Variants in LIMS1 observed in about 807,000 individuals in gnomAD.
LIMS1 encodes LIM zinc finger domain containing 1, also known as LIM and senescent cell antigen-like-containing domain protein 1.
Under a neutral mutation model 44.1 loss-of-function variants are expected in LIMS1, and 18 were observed. The observed-to-expected ratio is 0.41, with a 90% CI of 0.28 to 0.61. LIMS1 has a LOEUF of 0.61. Ranked by LOEUF, LIMS1 falls within the 20% of genes least tolerant of loss-of-function variation. The probability of loss-of-function intolerance (pLI) is 0.32; values close to 1 mark genes in which losing one functional copy is unlikely to be tolerated. For missense variants in LIMS1, 201 were observed against 422.0 expected (o/e 0.48, Z 4.59); for synonymous variants, 93 against 149.1 (o/e 0.62, Z 2.74).
intron 1 of LIMS1, among the ~76,000 whole-genome samples, chr2:108,601,908 A>G (rs1280733545): frequency 6.6e-6 from 1 of 152,232 alleles, no homozygotes; most frequent in East Asian, 1.9e-4. Flanking sequence ...TAGTATGGAC[A>G]TATTAACAAT....
At chr2:108,553,099 T>G (rs1684815838) in intron 1 of LIMS1, among the ~76,000 whole-genome samples, 1 of 151,826 alleles carries the variant, frequency 6.6e-6, no homozygotes, top group Non-Finnish European at 1.5e-5. Context: ...ATAAAAAGAG[T>G]CATAATTCAT....
intron 1 of LIMS1, among the ~76,000 whole-genome samples, chr2:108,572,442 G>A (rs981940154): frequency 2.0e-5 from 3 of 147,594 alleles, no homozygotes; most frequent in African/African-American, 7.5e-5. Flanking sequence ...GAGTGCAGTG[G>A]CGCAGTCTCA....
intron 1 of LIMS1, among the ~76,000 whole-genome samples, chr2:108,649,994 A>T (rs1690349317): frequency 6.6e-6 from 1 of 152,216 alleles, no homozygotes; most frequent in Non-Finnish European, 1.5e-5. Context: ...CAACAGTAAA[A>T]AAAAGAAAAA....
chr2:108,574,634 G>A (rs1685603764), intron 1 of LIMS1, among the ~76,000 whole-genome samples: 1 of 152,158 alleles, frequency 6.6e-6, no homozygotes, highest in Non-Finnish European at 1.5e-5. Flanking sequence ...TTGAGCTTGT[G>A]CACTACATAA....
At chr2:108,662,514 T>C in intron 2 of LIMS1, 2 of 1,321,984 alleles carry the variant, frequency 1.5e-6, no homozygotes, top group South Asian at 3.1e-5. Flanking sequence ...GTTCAAGATC[T>C]GTTGGGTCCT....
chr2:108,598,474 T>G (rs1686834393), intron 1 of LIMS1, among the ~76,000 whole-genome samples: 1 of 152,146 alleles, frequency 6.6e-6, no homozygotes, highest in Non-Finnish European at 1.5e-5. Context: ...GGCAGCCGGA[T>G]GGTTAGCTTT....
At chr2:108,607,332 T>G in intron 1 of LIMS1, 1 of 1,347,588 alleles carries the variant, frequency 7.4e-7, no homozygotes, top group Non-Finnish European at 1.0e-6. Flanking sequence ...GCACACCAGT[T>G]GTCTGGTATC....
At position 108,576,783 on chromosome 2, in the gene LIMS1, A is replaced by C. The variant is rs1330921819; in HGVS notation, c.32+42189A>C. On this transcript the variant is annotated intron_variant, in intron 1 of 9. Transcript: ENST00000544547. ...TAAGGGACAAAGTTCCCAGTCTCAG[A>C]GGTTATAATCTAGTAGGGAAGAGTA... is the stretch of plus-strand genomic sequence containing the variant. Among the ~76,000 whole-genome samples, 4 of 152,276 alleles carry C rather than the reference A, an allele frequency of 2.6e-5. No individual in the cohort carries two copies. In the East Asian group the frequency reaches 7.7e-4, roughly 29 times the overall value.
chr2:108,587,930 G>A (rs1182681105), intron 1 of LIMS1, among the ~76,000 whole-genome samples: 1 of 146,202 alleles, frequency 6.8e-6, no homozygotes, highest in African/African-American at 2.7e-5. Flanking sequence ...GGAAGATGTA[G>A]TGTAGAGTAG....
chr2:108,611,111 A>G (rs1251259644), intron 1 of LIMS1, among the ~76,000 whole-genome samples: 1 of 152,240 alleles, frequency 6.6e-6, no homozygotes, highest in East Asian at 1.9e-4. Flanking sequence ...AGCAGGCAGT[A>G]CACCGTTATG....
chr2:108,549,329 C>CT, intron 1 of LIMS1, among the ~76,000 whole-genome samples: 1 of 116,646 alleles, frequency 8.6e-6, no homozygotes, highest in Non-Finnish European at 1.6e-5. Flanking sequence ...CAGTGTCGCT[C>CT]TGTCGCCCAG....
intron 1 of LIMS1, among the ~76,000 whole-genome samples, chr2:108,544,102 T>G (rs139860143): frequency 6.6e-6 from 1 of 152,286 alleles, no homozygotes; most frequent in Non-Finnish European, 1.5e-5. Context: ...AAAAGAAATT[T>G]AAAGGAGGAA....
chr2:108,643,983 G>A (rs950998199), intron 1 of LIMS1, among the ~76,000 whole-genome samples: 1 of 152,162 alleles, frequency 6.6e-6, no homozygotes, highest in Non-Finnish European at 1.5e-5. Flanking sequence ...TCCTCTCTGG[G>A]TAGGGCATCT....
intron 1 of LIMS1, among the ~76,000 whole-genome samples, chr2:108,595,580 T>C (rs1168149329): frequency 1.3e-5 from 2 of 152,246 alleles, no homozygotes; most frequent in African/African-American, 4.8e-5. Context: ...TTTGTCCCAC[T>C]TAACTATTTT....
chr2:108,662,661 A>G, intron 2 of LIMS1: 1 of 947,032 alleles, frequency 1.1e-6, no homozygotes, highest in Non-Finnish European at 1.3e-6. Flanking sequence ...ACTGCTAACA[A>G]ATAATCTTCA....
intron 1 of LIMS1, among the ~76,000 whole-genome samples, chr2:108,605,532 T>G (rs1164650931): frequency 6.6e-6 from 1 of 152,224 alleles, no homozygotes; most frequent in African/African-American, 2.4e-5. Flanking sequence ...ATTTATTCCT[T>G]TCAGCATCTT....
In LIMS1 at chr2:108,574,046, C is replaced by G. The variant is rs189503153; in HGVS notation, c.32+39452C>G. 2.0e-5 allele frequency among the ~76,000 whole-genome samples: 3 copies of G among 151,938 alleles called. No homozygotes were observed. The East Asian group carries it at 5.8e-4, about 29-fold the overall frequency. On this transcript the variant is annotated intron_variant, in intron 1 of 9. Coordinates refer to ENST00000544547, the Ensembl canonical transcript of LIMS1. ...AGATGCCTGAATCCCCCCTCCCCCC[C>G]ACCAAAAAAAAGTGGAAATCAGTCT...
At chr2:108,630,795 T>C (rs1362808702) in intron 1 of LIMS1, among the ~76,000 whole-genome samples, 3 of 152,098 alleles carry the variant, frequency 2.0e-5, no homozygotes, top group African/African-American at 7.2e-5. Context: ...CATGAGTAAT[T>C]TGGAGGTTGA....
chr2:108,614,837 G>A (rs1336904089), intron 1 of LIMS1, among the ~76,000 whole-genome samples: 1 of 152,174 alleles, frequency 6.6e-6, no homozygotes, highest in Non-Finnish European at 1.5e-5. Flanking sequence ...CTATAGTCAT[G>A]AACCTATACT....
Sources: allele counts gnomAD v4.1 joint callset (sites outside exome capture counted in the v4.1 genomes callset), GRCh38; gene constraint gnomAD v4.1.1; transcripts MANE v1.5; gene names NCBI Gene and HGNC (gene_info 2026-07-23, HGNC 2026-07-21).